The following ATRX variants were observed in gnomAD, a reference collection of about 807,000 sequenced individuals.
ATRX encodes chromatin remodeler ATRX.
ATRX carries 12 observed loss-of-function variants against 172.6 expected under a neutral mutation model. That is an observed-to-expected ratio of 0.07 (90% CI 0.04 to 0.11). The LOEUF is 0.11. ATRX is among the 10% of genes least tolerant of loss of function. The probability of loss-of-function intolerance (pLI) is 1.00; values close to 1 mark genes in which losing one functional copy is unlikely to be tolerated. For synonymous variants in ATRX, 674 were observed against 594.7 expected (o/e 1.13, Z -1.94); for missense variants, 1,368 against 1,767.4 (o/e 0.77, Z 4.05).
intron 1 of ATRX, among the ~76,000 whole-genome samples, chrX:77,728,686 AAG>A (rs782375605): frequency 9.0e-6 from 1 of 111,338 alleles, no homozygotes; most frequent in Admixed American, 9.6e-5. Context: ...AAAAACCATC[AAG>A]AGACTTTGAT....
At chrX:77,538,215 G>GTA (rs1557049147) in intron 30 of ATRX, among the ~76,000 whole-genome samples, 1 of 97,570 alleles carries the variant, frequency 1.0e-5, no homozygotes, top group Non-Finnish European at 2.0e-5. Flanking sequence ...AAGGAAATGT[G>GTA]TGTATACACA....
intron 28 of ATRX, among the ~76,000 whole-genome samples, chrX:77,569,537 G>C (rs1342739751): frequency 9.0e-6 from 1 of 111,523 alleles, no homozygotes; most frequent in East Asian, 2.8e-4. Context: ...CAAACTCCTA[G>C]AACAAATGAA....
chrX:77,545,771 T>C (rs989047267), intron 30 of ATRX, among the ~76,000 whole-genome samples: 63 of 111,780 alleles, frequency 5.6e-4, no homozygotes, highest in Non-Finnish European at 9.4e-4. Flanking sequence ...TGGACATACA[T>C]TTCTCAGAAG....
chrX:77,626,929 T>C (rs1168495899), intron 19 of ATRX, among the ~76,000 whole-genome samples: 3 of 111,803 alleles, frequency 2.7e-5, no homozygotes, highest in African/African-American at 6.5e-5. Flanking sequence ...ACTAGAAGAA[T>C]TAAGAATAAA....
chrX:77,507,588 A>G lies in ATRX; in HGVS notation c.*763T>C, dbSNP rs1602300240. On this transcript the variant is annotated 3_prime_UTR_variant, in exon 35 of 35. Coordinates refer to ENST00000373344, the MANE Select transcript of ATRX (RefSeq NM_000489.6). ...AATTCATGTGTGGAAGATAATCCAC[A>G]ACCCTGAAATTTTACCAGTAATTAT... The G allele has an allele frequency of 4.6e-5, 8 of 175,799 alleles. No homozygotes were observed. The East Asian group carries it at 6.5e-4, about 14-fold the overall frequency. 14.5% of individuals were successfully genotyped at this position (175,799 alleles called of 1,213,427 possible).
At chrX:77,711,045 T>A (rs1364704319) in intron 2 of ATRX, among the ~76,000 whole-genome samples, 6 of 112,125 alleles carry the variant, frequency 5.4e-5, no homozygotes, top group African/African-American at 1.9e-4. Context: ...TAGTTTTATA[T>A]GTTACCATTG....
intron 30 of ATRX, among the ~76,000 whole-genome samples, chrX:77,537,053 T>C (rs960228351): frequency 4.6e-4 from 51 of 112,053 alleles, no homozygotes; most frequent in Non-Finnish European, 4.3e-4. Context: ...GTGACTAATG[T>C]GATGGAGAAA....
At chrX:77,611,977 G>A (rs781900399) in intron 22 of ATRX, among the ~76,000 whole-genome samples, 28 of 111,699 alleles carry the variant, frequency 2.5e-4, no homozygotes, top group African/African-American at 4.5e-4. Context: ...ATATTTCTTG[G>A]ATTTTGTAAT....
intron 1 of ATRX, among the ~76,000 whole-genome samples, chrX:77,773,072 T>G (rs1376112601): frequency 3.9e-5 from 3 of 76,479 alleles, no homozygotes; most frequent in African/African-American, 5.2e-5. Flanking sequence ...GAGAGATATT[T>G]CCCTGTGGCA....
At chrX:77,724,254 A>G (rs1467722624) in intron 1 of ATRX, among the ~76,000 whole-genome samples, 1 of 110,043 alleles carries the variant, frequency 9.1e-6, no homozygotes. Context: ...TCCGGCCTAG[A>G]CAACAGAGCA....
chrX:77,551,579 C>A (rs2064519525), intron 30 of ATRX, among the ~76,000 whole-genome samples: 2 of 112,046 alleles, frequency 1.8e-5, no homozygotes, highest in Admixed American at 9.5e-5. Flanking sequence ...ATGTCTAAGA[C>A]ACCAAAAGCA....
intron 1 of ATRX, among the ~76,000 whole-genome samples, chrX:77,741,073 T>C (rs1569544427): frequency 1.8e-5 from 2 of 109,070 alleles, no homozygotes; most frequent in Non-Finnish European, 3.8e-5. Flanking sequence ...CAAAGTCACA[T>C]GTGGTAGTGT....
chrX:77,709,684 T>C (rs1372054778), intron 2 of ATRX, among the ~76,000 whole-genome samples: 1 of 107,851 alleles, frequency 9.3e-6, no homozygotes, highest in Non-Finnish European at 1.9e-5. Context: ...CAGTGATTCA[T>C]GTCTGTAATC....
intron 30 of ATRX, among the ~76,000 whole-genome samples, chrX:77,540,364 A>T (rs1407365294): frequency 9.0e-6 from 1 of 111,470 alleles, no homozygotes; most frequent in Non-Finnish European, 1.9e-5. Context: ...ACACAATAAT[A>T]GTGGGAGACT....
chrX:77,722,860 T>C (rs1229615470), intron 1 of ATRX, among the ~76,000 whole-genome samples: 2 of 111,904 alleles, frequency 1.8e-5, no homozygotes, highest in Non-Finnish European at 1.9e-5. Context: ...CAAAGGATTA[T>C]AAATCATTCT....
chrX:77,732,594 G>A (rs2074346076), intron 1 of ATRX, among the ~76,000 whole-genome samples: 1 of 112,021 alleles, frequency 8.9e-6, no homozygotes, highest in Admixed American at 9.5e-5. Context: ...ACCAGGTGGA[G>A]TTTATCCCTT....
intron 1 of ATRX, among the ~76,000 whole-genome samples, chrX:77,759,653 G>T (rs2148903620): frequency 9.0e-6 from 1 of 111,242 alleles, no homozygotes; most frequent in South Asian, 3.9e-4. Flanking sequence ...GGCAGCAGCT[G>T]CAGTGAGCAA....
intron 5 of ATRX, among the ~76,000 whole-genome samples, chrX:77,694,569 G>T (rs782401223): frequency 1.7e-4 from 19 of 110,951 alleles, no homozygotes; most frequent in Non-Finnish European, 2.5e-4. Context: ...ATTGTAGAAT[G>T]AGATCATTTG....
At chrX:77,656,677 A>C in intron 12 of ATRX, 24 bp from the exon 13 acceptor site, 1 of 1,087,221 alleles carries the variant, frequency 9.2e-7, no homozygotes, top group Non-Finnish European at 1.3e-6. Flanking sequence ...AAATACATAA[A>C]ATTATTAATT....
Sources: allele counts gnomAD v4.1 joint callset (sites outside exome capture counted in the v4.1 genomes callset), GRCh38; gene constraint gnomAD v4.1.1; transcripts MANE v1.5; gene names NCBI Gene and HGNC (gene_info 2026-07-23, HGNC 2026-07-21).